PRKAA2: variants seen among roughly 807,000 people sequenced by gnomAD.
PRKAA2 encodes the protein protein kinase AMP-activated catalytic subunit alpha 2.
In PRKAA2, 40 loss-of-function variants were observed where a neutral mutation model predicts 56.3. The observed-to-expected ratio is 0.71, with a 90% CI of 0.55 to 0.92. PRKAA2 has a LOEUF of 0.92. Ranked by LOEUF, PRKAA2 falls within the 40% of genes least tolerant of loss-of-function variation. PRKAA2 has a pLI of 0.00. For missense variants in PRKAA2, 542 were observed against 686.9 expected, an observed-to-expected ratio of 0.79 and a Z score of 2.36; for synonymous variants, 214 against 234.2, an observed-to-expected ratio of 0.91 and a Z score of 0.79.
chr1:56,664,872 A>G (rs1261185660), intron 1 of PRKAA2, among the ~76,000 whole-genome samples: 1 of 145,272 alleles, frequency 6.9e-6, no homozygotes, highest in African/African-American at 2.6e-5. Context: ...ACACACACAC[A>G]CACACACACA....
chr1:56,663,967 T>C (rs1366563888), intron 1 of PRKAA2, among the ~76,000 whole-genome samples: 1 of 152,080 alleles, frequency 6.6e-6, no homozygotes, highest in Non-Finnish European at 1.5e-5. Context: ...AGCATAGTGG[T>C]GCACGCCTAT....
chr1:56,688,687 A>G lies in PRKAA2; in HGVS notation c.237-2707A>G, dbSNP rs1005522128. Among the ~76,000 whole-genome samples, 5 of 152,392 alleles carry G rather than the reference A, an allele frequency of 3.3e-5. No homozygotes were observed. The Middle Eastern group carries it at 0.014, about 415-fold the overall frequency. On this transcript the variant is annotated intron_variant, in intron 2 of 8. Transcript: ENST00000371244. ...AGTGTTGTGACTCAAAGGTGAGACC[A>G]AACAACAGAGATGGCAAGGGCCTGA...
In PRKAA2 at chr1:56,708,111, G is replaced by T; in HGVS notation, c.*398G>T. 5.7e-6 allele frequency: 1 copy of T among 176,338 alleles called. No homozygotes were observed. Among genetic ancestry groups the T allele is most frequent in the Non-Finnish European group, 1.2e-5 (1 of 82,142 alleles). The allele number at this position is 176,338 out of a possible 1,614,324, so 10.9% of individuals were successfully genotyped here. ...TAGTTTACTTCCTAAATTTCAGTAGGCTTTATGCTGTGTTTATGCCCCCAA... is the reference window on the plus strand; with the variant it reads ...TAGTTTACTTCCTAAATTTCAGTAGTCTTTATGCTGTGTTTATGCCCCCAA... On this transcript the variant is annotated 3_prime_UTR_variant, in exon 9 of 9. Coordinates refer to ENST00000371244, the MANE Select transcript of PRKAA2 (RefSeq NM_006252.4).
rs1379942449 is a variant in PRKAA2, at chr1:56,692,301, T to A, written c.331-57T>A. 44 of 1,603,844 alleles carry A rather than the reference T, an allele frequency of 2.7e-5. 1 individual carries two copies. In the East Asian group the frequency reaches 9.6e-4, roughly 35 times the overall value. ...CCTGCCTTGGCTGGGATTACAGGCATGAGCCACTGTGCCCAGCCCCAGATA... is the reference window on the plus strand; with the variant it reads ...CCTGCCTTGGCTGGGATTACAGGCAAGAGCCACTGTGCCCAGCCCCAGATA... On this transcript the variant is annotated intron_variant, in intron 3 of 8. Coordinates refer to ENST00000371244, the MANE Select transcript of PRKAA2 (RefSeq NM_006252.4).
Position 56,707,499 on chromosome 1 carries a change from G to A in PRKAA2, c.1445G>A (p.Gly482Asp). 2 of 1,614,100 alleles carry A rather than the reference G, an allele frequency of 1.2e-6. No individual in the cohort carries two copies. Among genetic ancestry groups the A allele is most frequent in the Non-Finnish European group, 1.7e-6 (2 of 1,180,010 alleles). Residue 482 changes from glycine to aspartate, a missense_variant, in exon 9 of 9, where the codon GGT (glycine) becomes GAT (aspartate). Physicochemically the swap from Gly to Asp is moderately conservative, Grantham distance 94. Transcript: ENST00000371244. ...IDDEVVEQRS[G>D]SSTPQRSCSA... ...GATGAAGTAGTGGAGCAGAGATCTG[G>A]TTCCTCAACACCTCAGCGTTCCTGT...
At chr1:56,663,277 C>T (rs528516828) in intron 1 of PRKAA2, among the ~76,000 whole-genome samples, 2 of 152,214 alleles carry the variant, frequency 1.3e-5, no homozygotes, top group East Asian at 1.9e-4. Flanking sequence ...TTTGAAGAGA[C>T]GGGGTCTTGC....
chr1:56,695,142 T>A (rs1303483067), intron 5 of PRKAA2, among the ~76,000 whole-genome samples: 1 of 147,386 alleles, frequency 6.8e-6, no homozygotes, highest in Admixed American at 6.7e-5. Flanking sequence ...ATTAAGTACT[T>A]TAATGTTTTA....
At chr1:56,667,478 G>A (rs1644044300) in intron 1 of PRKAA2, among the ~76,000 whole-genome samples, 1 of 152,048 alleles carries the variant, frequency 6.6e-6, no homozygotes, top group South Asian at 2.1e-4. Context: ...CCTTTAATAT[G>A]ATAGCATTAT....
chr1:56,686,837 T>C (rs1644194335), intron 2 of PRKAA2, among the ~76,000 whole-genome samples: 1 of 151,822 alleles, frequency 6.6e-6, no homozygotes, highest in South Asian at 2.1e-4. Flanking sequence ...ATATTAATGT[T>C]CACAGCAGCA....
chr1:56,695,823 G>T, intron 5 of PRKAA2, 112 bp from the exon 6 acceptor site: 2 of 932,360 alleles, frequency 2.1e-6, no homozygotes, highest in South Asian at 1.7e-5. Context: ...CTTCATTAAA[G>T]ACCTTGGAAA....
intron 5 of PRKAA2, among the ~76,000 whole-genome samples, chr1:56,694,336 T>C (rs1644245837): frequency 6.6e-6 from 1 of 152,306 alleles, no homozygotes; most frequent in South Asian, 2.1e-4. Context: ...ATTGGTACAT[T>C]ATAAAAATGT....
At chr1:56,646,701 A>T (rs1646645379) in intron 1 of PRKAA2, among the ~76,000 whole-genome samples, 1 of 152,148 alleles carries the variant, frequency 6.6e-6, no homozygotes, top group Non-Finnish European at 1.5e-5. Context: ...TTTTATTCTG[A>T]GGTCTCTATT....
chr1:56,700,107 A>G (rs893475600), intron 6 of PRKAA2, among the ~76,000 whole-genome samples: 7 of 152,156 alleles, frequency 4.6e-5, no homozygotes, highest in African/African-American at 1.7e-4. Context: ...GTATATACCT[A>G]GAGTTTATAA....
At chr1:56,650,231 A>G (rs1448356925) in intron 1 of PRKAA2, among the ~76,000 whole-genome samples, 1 of 152,218 alleles carries the variant, frequency 6.6e-6, no homozygotes, top group Non-Finnish European at 1.5e-5. Flanking sequence ...TTTTAAAAGT[A>G]TATGGAAATC....
intron 1 of PRKAA2, among the ~76,000 whole-genome samples, chr1:56,655,269 T>C (rs61772963): frequency 0.45 from 37,870 of 83,432 alleles, 4,195 homozygotes; most frequent in Middle Eastern, 0.49. Context: ...TTTATATATC[T>C]ATATATATAT....
intron 1 of PRKAA2, among the ~76,000 whole-genome samples, chr1:56,672,628 G>A (rs6688242): frequency 0.35 from 52,694 of 152,028 alleles, 9,403 homozygotes; most frequent in Admixed American, 0.48. Context: ...CATAAAGGAA[G>A]CCATCTGAGA....
chr1:56,692,305 C>T, intron 3 of PRKAA2, 53 bp from the exon 4 acceptor site: 2 of 1,606,862 alleles, frequency 1.2e-6, no homozygotes, highest in Admixed American at 3.4e-5. Context: ...CAGGCATGAG[C>T]CACTGTGCCC....
At chr1:56,679,156 C>T (rs184205085) in intron 2 of PRKAA2, among the ~76,000 whole-genome samples, 173 of 152,154 alleles carry the variant, frequency 1.1e-3, no homozygotes, top group African/African-American at 3.7e-3. Flanking sequence ...TTATGGGCCC[C>T]GCTTTATCTT....
chr1:56,707,479 A>C lies in PRKAA2; in HGVS notation c.1425A>C (p.Glu475Asp). Residue 475 changes from glutamate (E) to aspartate (D), a missense_variant, in exon 9 of 9, where the codon GAA (glutamate) becomes GAC (aspartate). Physicochemically the swap from Glu to Asp is conservative, Grantham distance 45. This residue lies in a region of PRKAA2 where 158 missense variants were observed against 166.1 expected (regional missense o/e 0.95). Coordinates refer to ENST00000371244, the MANE Select transcript of PRKAA2 (RefSeq NM_006252.4). ...CTCTTCTTTGGTCCATTTCAGATGA[A>C]GTAGTGGAGCAGAGATCTGGTTCCT... is the stretch of plus-strand genomic sequence containing the variant. Reference protein sequence around the residue: ...YLLDFKSIDDEVVEQRSGSST... With the variant: ...YLLDFKSIDDDVVEQRSGSST... 6.2e-7 allele frequency: 1 copy of C among 1,613,884 alleles called. No individual in the cohort carries two copies. Among genetic ancestry groups the C allele is most frequent in the South Asian group, 1.1e-5 (1 of 91,062 alleles).
Sources: gnomAD v4.1 joint callset for allele counts (sites outside exome capture counted in the v4.1 genomes callset) on GRCh38, gnomAD v4.1.1 for gene constraint, gnomAD v4.1.1 regional missense constraint, MANE v1.5 for transcripts, NCBI Gene and HGNC (gene_info 2026-07-23, HGNC 2026-07-21) for gene names.